ATP1B4: variants seen among roughly 807,000 people sequenced by gnomAD.
ATP1B4 encodes the protein ATPase Na+/K+ transporting family member beta 4, also known as protein ATP1B4.
A neutral mutation model predicts 29.6 loss-of-function variants in ATP1B4; 32 were observed. The ratio of observed to expected loss-of-function variants is 1.08; its 90% CI spans 0.82 to 1.45. The LOEUF is 1.45. Among genes scored for constraint, ATP1B4 ranks in the 40% most tolerant of loss-of-function variants. The pLI, the probability that ATP1B4 is intolerant of heterozygous loss-of-function variation, is 0.00. For synonymous variants in ATP1B4, 127 were observed against 102.1 expected, an observed-to-expected ratio of 1.24 and a Z score of -1.47; for missense variants, 323 against 276.2, an observed-to-expected ratio of 1.17 and a Z score of -1.20.
intron 6 of ATP1B4, among the ~76,000 whole-genome samples, chrX:120,377,116 G>A (rs1044562267): frequency 1.8e-5 from 2 of 112,214 alleles, no homozygotes; most frequent in Non-Finnish European, 1.9e-5. Flanking sequence ...TTGCAAATGC[G>A]TGAGGCCTGG....
rs1039622278 is a variant in ATP1B4 at position 120,380,508 on chromosome X, T to C, written c.*874T>C. The C allele has an allele frequency of 8.9e-6, 1 of 112,236 alleles. No homozygotes were observed. Among genetic ancestry groups the C allele is most frequent in the African/African-American group, 3.2e-5 (1 of 30,876 alleles). 9.2% of individuals were successfully genotyped at this position (112,236 alleles called of 1,213,427 possible). On this transcript the variant is annotated 3_prime_UTR_variant, in exon 8 of 8. Transcript: ENST00000218008. The stretch of plus-strand genomic sequence containing the variant: ...GGGGAGAACACTTAGCATATGGATA[T>C]GATTGGTGTTTGATTCCTTGCTCTC...
chrX:120,362,364 G>T, intron 1 of ATP1B4, 133 bp downstream of exon 1: 1 of 587,752 alleles, frequency 1.7e-6, no homozygotes, highest in South Asian at 2.9e-5. Context: ...GTTTAGGGGA[G>T]CCCAGGGTTT....
chrX:120,363,174 G>A (rs1792244189), intron 1 of ATP1B4, among the ~76,000 whole-genome samples: 1 of 112,004 alleles, frequency 8.9e-6, no homozygotes, highest in Admixed American at 9.5e-5. Context: ...TTTGGGTATG[G>A]CCACTTATGT....
rs1214845844 is a variant in ATP1B4 at position 120,375,446 on chromosome X, G to A, written c.637G>A (p.Glu213Lys). The change falls in exon 5 of 8, where the codon GAG becomes AAG. Residue 213 changes from glutamate (E) to lysine (K), a missense_variant. Glu to Lys is a moderately conservative substitution (Grantham distance 56). Coordinates refer to ENST00000218008, the MANE Select transcript of ATP1B4 (RefSeq NM_001142447.3). The part of the protein sequence containing the change: ...PGQYFIQDGN[E>K]DEDKKACQFK... ...GCAGTACTTCATCCAAGATGGCAAT[G>A]AGGATGAGGACAAGAAGGCCTGCCA... 2 of 1,208,577 alleles carry A rather than the reference G, an allele frequency of 1.7e-6. No individual in the cohort carries two copies. The highest frequency in any genetic ancestry group is 2.2e-6 in the Non-Finnish European group (2 of 894,221).
intron 1 of ATP1B4, among the ~76,000 whole-genome samples, chrX:120,362,441 C>T (rs2058266689): frequency 9.0e-6 from 1 of 111,411 alleles, no homozygotes; most frequent in African/African-American, 3.3e-5. Context: ...GAGGAAGCCC[C>T]TCTTCCTGTG....
chrX:120,367,855 C>G (rs939453093), intron 2 of ATP1B4, among the ~76,000 whole-genome samples: 1 of 111,433 alleles, frequency 9.0e-6, no homozygotes, highest in East Asian at 2.8e-4. Context: ...CCCTTCACCC[C>G]TCCCCAATTC....
At chrX:120,364,026 C>T (rs1295818914) in intron 1 of ATP1B4, among the ~76,000 whole-genome samples, 1 of 110,870 alleles carries the variant, frequency 9.0e-6, no homozygotes, top group East Asian at 2.8e-4. Context: ...TCAGGAACCT[C>T]TCACAGCCTC....
At chrX:120,365,759 A>G (rs73614147) in intron 1 of ATP1B4, among the ~76,000 whole-genome samples, 457 of 112,462 alleles carry the variant, frequency 4.1e-3, no homozygotes, top group Middle Eastern at 0.027. Flanking sequence ...TTACAGTTTC[A>G]AATCTCAAGT....
In ATP1B4 at chrX:120,372,695, A is replaced by G. The variant is rs965350758; in HGVS notation, c.562+1485A>G. ...AAAAAATCCACAGGTGATTTGTAGG[A>G]AATTTAAAGTTTGAGACATGCTGCT... On this transcript the variant is annotated intron_variant, in intron 4 of 7. Coordinates refer to ENST00000218008, the MANE Select transcript of ATP1B4 (RefSeq NM_001142447.3). Among the ~76,000 whole-genome samples the G allele has an allele frequency of 1.8e-4, 20 of 112,456 alleles. 1 individual carries two copies.
intron 5 of ATP1B4, among the ~76,000 whole-genome samples, chrX:120,375,981 C>A (rs758699376): frequency 9.0e-6 from 1 of 111,555 alleles, no homozygotes; most frequent in African/African-American, 3.3e-5. Context: ...GAATACTGAG[C>A]TGTTTGGAAC....
At chrX:120,372,556 C>T (rs1407873900) in intron 4 of ATP1B4, among the ~76,000 whole-genome samples, 2 of 111,759 alleles carry the variant, frequency 1.8e-5, no homozygotes, top group African/African-American at 3.3e-5. Flanking sequence ...TTTACACTCT[C>T]GCTGCTATAA....
chrX:120,371,554 A>G (rs1207502671), intron 4 of ATP1B4, among the ~76,000 whole-genome samples: 5 of 111,616 alleles, frequency 4.5e-5, no homozygotes, highest in African/African-American at 1.6e-4. Flanking sequence ...CTTGGGGGAG[A>G]TAGTGGTGGG....
intron 4 of ATP1B4, among the ~76,000 whole-genome samples, chrX:120,371,743 T>C (rs760173717): frequency 9.7e-4 from 109 of 112,269 alleles, no homozygotes; most frequent in Middle Eastern, 4.6e-3. Context: ...ATCTCTGCTC[T>C]CTGCAACCTC....
At chrX:120,363,565 G>A (rs937449811) in intron 1 of ATP1B4, among the ~76,000 whole-genome samples, 1 of 112,491 alleles carries the variant, frequency 8.9e-6, no homozygotes, top group Non-Finnish European at 1.9e-5. Flanking sequence ...TGTTTATGGT[G>A]TATAAACACA....
chrX:120,365,817 C>T (rs758363962), intron 1 of ATP1B4, among the ~76,000 whole-genome samples: 5 of 112,169 alleles, frequency 4.5e-5, no homozygotes, highest in Non-Finnish European at 7.5e-5. Flanking sequence ...GTATGTATTA[C>T]GTGCCCAGCT....
chrX:120,375,648 C>G, intron 5 of ATP1B4, 80 bp downstream of exon 5: 1 of 877,036 alleles, frequency 1.1e-6, no homozygotes, highest in Non-Finnish European at 1.6e-6. Flanking sequence ...TTGTCTTGGT[C>G]TCTGTCTTCA....
chrX:120,374,645 A>G (rs1168420445), intron 4 of ATP1B4, among the ~76,000 whole-genome samples: 1 of 59,710 alleles, frequency 1.7e-5, no homozygotes, highest in African/African-American at 6.8e-5. Context: ...ATATTATATT[A>G]TATATATATA....
At chrX:120,373,084 T>G (rs989429072) in intron 4 of ATP1B4, among the ~76,000 whole-genome samples, 1 of 112,110 alleles carries the variant, frequency 8.9e-6, no homozygotes, top group Admixed American at 9.5e-5. Flanking sequence ...TTTTAGTTCC[T>G]AAGAGTAGAT....
chrX:120,370,565 G>T (rs1299492972), intron 2 of ATP1B4, 150 bp from the exon 3 acceptor site: 2 of 683,516 alleles, frequency 2.9e-6, no homozygotes, highest in East Asian at 6.8e-5. Context: ...CTCCAAATTG[G>T]TGAAATCTGA....
Sources: gnomAD v4.1 joint callset for allele counts (sites outside exome capture counted in the v4.1 genomes callset) on GRCh38, gnomAD v4.1.1 for gene constraint, MANE v1.5 for transcripts, NCBI Gene and HGNC (gene_info 2026-07-23, HGNC 2026-07-21) for gene names.